Variants in DLG2 observed in about 807,000 individuals in gnomAD.
DLG2 encodes the protein disks large homolog 2.
In DLG2, 45 loss-of-function variants were observed where a neutral mutation model predicts 132.5. That is an observed-to-expected ratio of 0.34 (90% CI 0.27 to 0.44). The LOEUF (loss-of-function observed/expected upper bound fraction) is 0.44, where lower values mean the gene tolerates loss of function less well. DLG2 is among the 20% of genes least tolerant of loss of function. The pLI is 1.00. For synonymous variants in DLG2, 424 were observed against 419.6 expected (o/e 1.01, Z -0.13); for missense variants, 1,045 against 1,196.9 (o/e 0.87, Z 1.87).
chr11:85,337,173 C>T (rs990838031), intron 3 of DLG2, among the ~76,000 whole-genome samples: 6 of 152,188 alleles, frequency 3.9e-5, no homozygotes, highest in South Asian at 2.1e-4. Flanking sequence ...ATAAATTCAT[C>T]GTGGATCTTA....
chr11:83,640,694 A>C (rs941622387), intron 18 of DLG2, among the ~76,000 whole-genome samples: 2 of 152,200 alleles, frequency 1.3e-5, no homozygotes, highest in African/African-American at 4.8e-5. Context: ...CATCTTGTGA[A>C]TACAAAAAGA....
intron 7 of DLG2, among the ~76,000 whole-genome samples, chr11:84,496,160 T>G (rs191297878): frequency 3.1e-4 from 47 of 152,320 alleles, no homozygotes; most frequent in African/African-American, 1.1e-3. Flanking sequence ...GATGAAGGCA[T>G]CAAAGTTCAG....
chr11:84,755,970 A>G lies in DLG2; in HGVS notation c.358-221239T>C, dbSNP rs550570737. Among the ~76,000 whole-genome samples the G allele has an allele frequency of 8.5e-5, 13 of 152,374 alleles. No homozygotes were observed. In the East Asian group the frequency reaches 2.5e-3, roughly 29 times the overall value. On this transcript the variant is annotated intron_variant, in intron 6 of 27. Transcript: ENST00000376104. ...ATGTAAAAATGATTCTAATAGAATG[A>G]CTGGCGTACTTCATCAGTATATAAA...
chr11:84,976,933 G>A (rs2054989642), intron 6 of DLG2, among the ~76,000 whole-genome samples: 2 of 152,036 alleles, frequency 1.3e-5, no homozygotes, highest in Admixed American at 1.3e-4. Flanking sequence ...TAGTATTTGG[G>A]TTTTCCATCC....
At chr11:84,231,017 T>C (rs1025630141) in intron 8 of DLG2, among the ~76,000 whole-genome samples, 1 of 152,224 alleles carries the variant, frequency 6.6e-6, no homozygotes, top group East Asian at 1.9e-4. Context: ...TAGAAATTGT[T>C]ACCCTGCTAA....
chr11:84,841,254 G>A (rs2080637358), intron 6 of DLG2, among the ~76,000 whole-genome samples: 1 of 151,952 alleles, frequency 6.6e-6, no homozygotes, highest in African/African-American at 2.4e-5. Flanking sequence ...TATAAGAAAG[G>A]AGAAGGGGAT....
intron 6 of DLG2, among the ~76,000 whole-genome samples, chr11:85,065,622 G>A (rs907316749): frequency 6.6e-6 from 1 of 150,550 alleles, no homozygotes; most frequent in Non-Finnish European, 1.5e-5. Context: ...CATTTTATTG[G>A]ACCACAGTGG....
At chr11:83,733,872 T>C (rs1011519287) in intron 18 of DLG2, among the ~76,000 whole-genome samples, 1 of 152,158 alleles carries the variant, frequency 6.6e-6, no homozygotes, top group Non-Finnish European at 1.5e-5. Context: ...ATCACCCAAA[T>C]AGTGAATATT....
At chr11:84,042,539 G>T (rs2096117874) in intron 11 of DLG2, among the ~76,000 whole-genome samples, 1 of 151,464 alleles carries the variant, frequency 6.6e-6, no homozygotes, top group Non-Finnish European at 1.5e-5. Context: ...GCACATTATG[G>T]TATTCCTTTA....
intron 4 of DLG2, among the ~76,000 whole-genome samples, chr11:85,190,647 A>T (rs1236338141): frequency 6.6e-6 from 1 of 152,204 alleles, no homozygotes; most frequent in African/African-American, 2.4e-5. Context: ...AGAAGATCCA[A>T]ATAAACACAA....
At chr11:84,000,044 C>A (rs2094262734) in intron 11 of DLG2, among the ~76,000 whole-genome samples, 2 of 150,308 alleles carry the variant, frequency 1.3e-5, no homozygotes, top group African/African-American at 4.9e-5. Flanking sequence ...ATGAGTAAAT[C>A]AATAAAAGAA....
At chr11:85,422,513 T>C (rs1312594987) in intron 3 of DLG2, among the ~76,000 whole-genome samples, 1 of 148,652 alleles carries the variant, frequency 6.7e-6, no homozygotes, top group Non-Finnish European at 1.5e-5. Context: ...TTTATAACTG[T>C]GTCCATTGTT....
chr11:84,555,641 G>A (rs530493949), intron 6 of DLG2, among the ~76,000 whole-genome samples: 7 of 152,294 alleles, frequency 4.6e-5, no homozygotes, highest in African/African-American at 1.7e-4. Flanking sequence ...AAGTAAAATG[G>A]TAGTTATCAG....
chr11:83,870,656 G>A (rs567239224), intron 16 of DLG2, among the ~76,000 whole-genome samples: 4 of 152,196 alleles, frequency 2.6e-5, no homozygotes, highest in Non-Finnish European at 4.4e-5. Context: ...AGGTGCTACA[G>A]AAGAGTGATT....
At chr11:84,443,349 T>A (rs1427827806) in intron 7 of DLG2, among the ~76,000 whole-genome samples, 1 of 152,178 alleles carries the variant, frequency 6.6e-6, no homozygotes, top group Non-Finnish European at 1.5e-5. Context: ...CTCCTCAAAT[T>A]CATTTCAAAA....
chr11:83,668,869 T>TATATA (rs1440658821), intron 18 of DLG2, among the ~76,000 whole-genome samples: 1 of 128,394 alleles, frequency 7.8e-6, no homozygotes, highest in African/African-American at 3.8e-5. Context: ...ATATATATAT[T>TATATA]TTTTTTTTAT....
At chr11:85,286,920 G>T (rs1037399589) in intron 3 of DLG2, among the ~76,000 whole-genome samples, 1 of 152,106 alleles carries the variant, frequency 6.6e-6, no homozygotes, top group Non-Finnish European at 1.5e-5. Flanking sequence ...CCCTGCTACA[G>T]TGGGGGAATA....
Position 84,923,537 on chromosome 11 carries a change from C to A in DLG2, c.357+188124G>T, listed in dbSNP as rs369668813. ...AGTTACTTATATTTCTGGAGAGCCC[C>A]GGTGTTATCCTATTAAATACTTTAC... On this transcript the variant is annotated intron_variant, in intron 6 of 27. Transcript: ENST00000376104. The A allele has an allele frequency of 3.1e-5, 32 of 1,021,546 alleles. No individual in the cohort carries two copies. The South Asian group carries it at 1.1e-3, about 36-fold the overall frequency. The allele number at this position is 1,021,546 out of a possible 1,614,324, so 63.3% of individuals were successfully genotyped here.
chr11:85,387,285 C>G (rs1190327600), intron 3 of DLG2, among the ~76,000 whole-genome samples: 1 of 152,146 alleles, frequency 6.6e-6, no homozygotes, highest in Non-Finnish European at 1.5e-5. Flanking sequence ...ATTTCCTTGT[C>G]TTAATTTCAA....
Sources: gnomAD v4.1 joint callset for allele counts (sites outside exome capture counted in the v4.1 genomes callset) on GRCh38, gnomAD v4.1.1 for gene constraint, MANE v1.5 for transcripts, NCBI Gene and HGNC (gene_info 2026-07-23, HGNC 2026-07-21) for gene names.